Variants in GAB1 observed in about 807,000 individuals in gnomAD.
The protein encoded by GAB1 is GRB2 associated binding protein 1.
A neutral mutation model predicts 66.5 loss-of-function variants in GAB1; 19 were observed. That is an observed-to-expected ratio of 0.29 (90% CI 0.20 to 0.42). The LOEUF is 0.42. GAB1 is among the 10% of genes least tolerant of loss of function. The probability of loss-of-function intolerance (pLI) is 1.00; values close to 1 mark genes in which losing one functional copy is unlikely to be tolerated. For missense variants in GAB1, 732 were observed against 858.5 expected (o/e 0.85, Z 1.84); for synonymous variants, 294 against 301.4 (o/e 0.98, Z 0.25).
chr4:143,418,596 C>T (rs1397583599), intron 2 of GAB1, among the ~76,000 whole-genome samples: 1 of 152,086 alleles, frequency 6.6e-6, no homozygotes, highest in African/African-American at 2.4e-5. Context: ...TTTGGGGGGA[C>T]ATAAGGGCAG....
At chr4:143,401,020 CA>C (rs1731743688) in intron 1 of GAB1, among the ~76,000 whole-genome samples, 1 of 150,400 alleles carries the variant, frequency 6.6e-6, no homozygotes, top group Non-Finnish European at 1.5e-5. Flanking sequence ...AGTTATTCAA[CA>C]AAATACAGAA....
At chr4:143,380,281 CTTTT>C (rs1451529380) in intron 1 of GAB1, among the ~76,000 whole-genome samples, 1 of 151,950 alleles carries the variant, frequency 6.6e-6, no homozygotes, top group Non-Finnish European at 1.5e-5. Flanking sequence ...CTCTAGTGCT[CTTTT>C]TATTTCAAGA....
chr4:143,445,388 T>C (rs1222391767), intron 6 of GAB1, among the ~76,000 whole-genome samples: 4 of 152,232 alleles, frequency 2.6e-5, no homozygotes, highest in Admixed American at 6.5e-5. Flanking sequence ...CTTGTATGTC[T>C]CATTTCTAGA....
rs765430252 is a variant in GAB1 at position 143,459,433 on chromosome 4, T to C, written c.1634T>C (p.Leu545Ser). Residue 545 changes from leucine to serine, a missense_variant, in exon 7 of 10, where the codon TTA (leucine) becomes TCA (serine). Physicochemically the swap from Leu to Ser is moderately radical, Grantham distance 145. Transcript: ENST00000262994. ...EIKPLPEWEE[L>S]QAPVRSPITR... is the part of the protein sequence containing the mutation. ...AAACCTTTGCCAGAATGGGAAGAATTACAAGCCCCAGTTAGATCTCCCATC... is the reference window on the plus strand; with the variant it reads ...AAACCTTTGCCAGAATGGGAAGAATCACAAGCCCCAGTTAGATCTCCCATC... 6.2e-7 allele frequency: 1 copy of C among 1,610,688 alleles called. No individual in the cohort carries two copies. The highest frequency in any genetic ancestry group is 2.2e-5 in the East Asian group (1 of 44,798).
At chr4:143,450,374 A>C (rs1201458395) in intron 6 of GAB1, among the ~76,000 whole-genome samples, 2 of 152,296 alleles carry the variant, frequency 1.3e-5, no homozygotes, top group South Asian at 4.1e-4. Context: ...TAAAAAATTT[A>C]GGCTTAAAAA....
chr4:143,371,325 CTGTT>C (rs1730112403), intron 1 of GAB1, among the ~76,000 whole-genome samples: 1 of 152,082 alleles, frequency 6.6e-6, no homozygotes, highest in African/African-American at 2.4e-5. Context: ...TTTCATGTGT[CTGTT>C]GGCTGCATAA....
Position 143,440,160 on chromosome 4 carries a change from C to G in GAB1, c.1363C>G (p.Pro455Ala). The part of the protein sequence containing the change: ...ENYVPMNPNS[P>A]PRQHSSSFTE... The stretch of plus-strand genomic sequence containing the variant: ...TTACGTCCCAATGAATCCCAATTCA[C>G]CACCACGACAACATTCCAGCAGTTT... Residue 455 changes from proline to alanine, a missense_variant, in exon 6 of 10, where the codon CCA becomes GCA. Pro to Ala is a conservative substitution (Grantham distance 27). Around this residue, in one of 4 missense-constraint regions of GAB1, gnomAD observed 427 missense variants for 420.6 expected, o/e 1.02. Transcript: ENST00000262994. 6.2e-7 allele frequency: 1 copy of G among 1,614,124 alleles called. No homozygotes were observed. Among genetic ancestry groups the G allele is most frequent in the Non-Finnish European group, 8.5e-7 (1 of 1,179,980 alleles).
intron 1 of GAB1, 132 bp from the exon 2 acceptor site, chr4:143,415,345 A>G: frequency 2.9e-6 from 2 of 699,366 alleles, no homozygotes; most frequent in Non-Finnish European, 2.3e-6. Flanking sequence ...TGGTAAAAAC[A>G]CACACACAAA....
At chr4:143,367,580 A>G (rs1267446919) in intron 1 of GAB1, among the ~76,000 whole-genome samples, 1 of 150,106 alleles carries the variant, frequency 6.7e-6, no homozygotes, top group African/African-American at 2.5e-5. Flanking sequence ...TTACAGAGGT[A>G]TAAGTTCCAA....
chr4:143,438,116 G>C lies in GAB1; in HGVS notation c.711G>C (p.Gln237His). 6.2e-7 allele frequency: 1 copy of C among 1,613,946 alleles called. No individual in the cohort carries two copies. Among genetic ancestry groups the C allele is most frequent in the South Asian group, 1.1e-5 (1 of 91,074 alleles). ...AACATGGAATGAATGGCTTTTTTCAGCAGCAAATGATATACGACTCTCCAC... is the reference window on the plus strand; with the variant it reads ...AACATGGAATGAATGGCTTTTTTCACCAGCAAATGATATACGACTCTCCAC... The part of the protein sequence containing the change: ...QSKHGMNGFF[Q>H]QQMIYDSPPS... The change falls in exon 4 of 10, where the codon CAG (glutamine) becomes CAC (histidine). Residue 237 changes from glutamine to histidine, a missense_variant. Physicochemically the swap from Gln to His is conservative, Grantham distance 24. Coordinates refer to ENST00000262994, the MANE Select transcript of GAB1 (RefSeq NM_002039.4).
intron 2 of GAB1, among the ~76,000 whole-genome samples, chr4:143,432,175 C>T (rs558591356): frequency 2.6e-5 from 4 of 151,904 alleles, no homozygotes; most frequent in Non-Finnish European, 5.9e-5. Context: ...CTGTCTAACT[C>T]GAAAAAAGAA....
At chr4:143,448,036 T>G (rs1734664539) in intron 6 of GAB1, among the ~76,000 whole-genome samples, 1 of 152,160 alleles carries the variant, frequency 6.6e-6, no homozygotes, top group Non-Finnish European at 1.5e-5. Context: ...TCTGCATCTA[T>G]TGAGATAATC....
intron 6 of GAB1, among the ~76,000 whole-genome samples, chr4:143,445,633 T>A (rs1054054928): frequency 6.6e-6 from 1 of 152,186 alleles, no homozygotes; most frequent in African/African-American, 2.4e-5. Context: ...TGCAATTGCT[T>A]TTGAAGACTT....
intron 1 of GAB1, among the ~76,000 whole-genome samples, chr4:143,396,818 T>C (rs1157248256): frequency 2.0e-5 from 3 of 152,102 alleles, no homozygotes; most frequent in Non-Finnish European, 4.4e-5. Context: ...CACAGGCTTA[T>C]TGAGCACTGA....
intron 1 of GAB1, among the ~76,000 whole-genome samples, chr4:143,410,656 C>T (rs1478618251): frequency 1.3e-5 from 2 of 152,182 alleles, no homozygotes; most frequent in Non-Finnish European, 2.9e-5. Context: ...TTAAAAACAT[C>T]TCTCTTATGT....
Position 143,349,998 on chromosome 4 carries a change from G to A in GAB1, c.72+12738G>A, listed in dbSNP as rs1296526325. Reference sequence around the variant, plus strand: ...GCATCCACTCCTTATCCTCGGCCTTGCCTCCGCGACCCCGGCCCCGGATGC... The same window carrying A: ...GCATCCACTCCTTATCCTCGGCCTTACCTCCGCGACCCCGGCCCCGGATGC... On this transcript the variant is annotated intron_variant, in intron 1 of 9. Transcript: ENST00000262994. 8.9e-6 allele frequency: 14 copies of A among 1,577,926 alleles called. No individual in the cohort carries two copies. In the African/African-American group the frequency reaches 1.9e-4, roughly 21 times the overall value.
chr4:143,393,472 G>A (rs1466553406), intron 1 of GAB1, among the ~76,000 whole-genome samples: 6 of 152,092 alleles, frequency 3.9e-5, no homozygotes, highest in South Asian at 2.1e-4. Context: ...TTTGTGACTC[G>A]TTTTCTCATC....
intron 2 of GAB1, among the ~76,000 whole-genome samples, chr4:143,419,171 G>A (rs150875619): frequency 3.0e-4 from 45 of 151,972 alleles, no homozygotes; most frequent in African/African-American, 9.4e-4. Flanking sequence ...ATTGATGAGT[G>A]CAAGTTTATA....
chr4:143,337,556 T>G (rs543233957), intron 1 of GAB1, among the ~76,000 whole-genome samples: 2 of 152,256 alleles, frequency 1.3e-5, no homozygotes, highest in South Asian at 2.1e-4. Flanking sequence ...GCTGCATGCT[T>G]TTTTTCTTCC....
Sources: gnomAD v4.1 joint callset for allele counts (sites outside exome capture counted in the v4.1 genomes callset) on GRCh38, gnomAD v4.1.1 for gene constraint, gnomAD v4.1.1 regional missense constraint, MANE v1.5 for transcripts, NCBI Gene and HGNC (gene_info 2026-07-23, HGNC 2026-07-21) for gene names.